Variants in PTPRD observed in about 807,000 individuals in gnomAD.
PTPRD encodes the protein receptor-type tyrosine-protein phosphatase delta.
A neutral mutation model predicts 214.5 loss-of-function variants in PTPRD; 34 were observed. That is an observed-to-expected ratio of 0.16 (90% CI 0.12 to 0.21). The LOEUF (loss-of-function observed/expected upper bound fraction) is 0.21. Ranked by LOEUF, PTPRD falls within the 10% of genes least tolerant of loss-of-function variation. The pLI is 1.00. For missense variants in PTPRD, 2,545 were observed against 2,398.7 expected, an observed-to-expected ratio of 1.06 and a Z score of -1.27; for synonymous variants, 1,128 against 845.7, an observed-to-expected ratio of 1.33 and a Z score of -5.79.
intron 3 of PTPRD, among the ~76,000 whole-genome samples, chr9:10,150,339 G>C (rs1341356335): frequency 6.6e-6 from 1 of 152,056 alleles, no homozygotes; most frequent in East Asian, 1.9e-4. Flanking sequence ...CCATAAAAAA[G>C]GATGAGTTCA....
intron 3 of PTPRD, among the ~76,000 whole-genome samples, chr9:10,291,692 C>G (rs548217006): frequency 6.6e-6 from 1 of 152,184 alleles, no homozygotes; most frequent in East Asian, 1.9e-4. Context: ...GAAAGCAGCC[C>G]TGAAGATACC....
chr9:9,773,239 T>C (rs563660738), intron 5 of PTPRD, among the ~76,000 whole-genome samples: 12 of 152,282 alleles, frequency 7.9e-5, no homozygotes, highest in Middle Eastern at 3.4e-3. Context: ...TAGTTTCTTT[T>C]TATAAATCAG....
intron 14 of PTPRD, among the ~76,000 whole-genome samples, chr9:8,599,613 C>CCCCCCCCCTTTTTTTTTT (rs2094698008): frequency 3.7e-5 from 2 of 53,428 alleles, no homozygotes; most frequent in African/African-American, 7.0e-5. Flanking sequence ...CCCGCCCACC[C>CCCCCCCCCTTTTTTTTTT]TTTTTTTTTT....
intron 11 of PTPRD, among the ~76,000 whole-genome samples, chr9:8,822,469 C>T (rs1445637615): frequency 2.6e-5 from 4 of 152,006 alleles, no homozygotes; most frequent in Admixed American, 2.0e-4. Context: ...GGAAATTCTC[C>T]CAGAGAGAGT....
chr9:8,511,416 C>T (rs1167896317), intron 21 of PTPRD, among the ~76,000 whole-genome samples: 1 of 151,584 alleles, frequency 6.6e-6, no homozygotes, highest in Non-Finnish European at 1.5e-5. Flanking sequence ...CTACACATCA[C>T]GGTTTCTCAC....
intron 5 of PTPRD, among the ~76,000 whole-genome samples, chr9:9,784,116 T>C (rs1010030196): frequency 6.6e-6 from 1 of 152,150 alleles, no homozygotes; most frequent in Non-Finnish European, 1.5e-5. Flanking sequence ...TCCTATAAGA[T>C]AAGCAAAGCC....
chr9:9,187,957 A>G (rs2099932679), intron 9 of PTPRD, among the ~76,000 whole-genome samples: 1 of 152,004 alleles, frequency 6.6e-6, no homozygotes, highest in Non-Finnish European at 1.5e-5. Flanking sequence ...CTTATAGAAA[A>G]GTACATAAAT....
chr9:10,100,112 G>A (rs2098537492), intron 3 of PTPRD, among the ~76,000 whole-genome samples: 1 of 151,578 alleles, frequency 6.6e-6, no homozygotes, highest in Non-Finnish European at 1.5e-5. Flanking sequence ...AGAAATGCTT[G>A]TCACCTAGTT....
chr9:10,070,438 G>A (rs1016003293), intron 3 of PTPRD, among the ~76,000 whole-genome samples: 24 of 151,938 alleles, frequency 1.6e-4, no homozygotes, highest in African/African-American at 5.6e-4. Context: ...TTGTAGCATT[G>A]AGAGTAATAT....
intron 8 of PTPRD, among the ~76,000 whole-genome samples, chr9:9,517,028 A>G (rs1426581082): frequency 6.6e-6 from 1 of 151,574 alleles, no homozygotes; most frequent in East Asian, 2.0e-4. Flanking sequence ...AATTAGTTGC[A>G]GTGAAATGAA....
intron 10 of PTPRD, among the ~76,000 whole-genome samples, chr9:9,129,544 C>G (rs12351020): frequency 0.05 from 7,589 of 152,236 alleles, 435 homozygotes; most frequent in African/African-American, 0.13. Flanking sequence ...TAGCTTCTGA[C>G]AGCTGATACA....
chr9:9,511,425 G>T (rs9886769), intron 8 of PTPRD, among the ~76,000 whole-genome samples: 109,093 of 151,498 alleles, frequency 0.72, 39,782 homozygotes, highest in South Asian at 0.84. Flanking sequence ...CTGTCAAATG[G>T]CAAAATCATT....
At chr9:8,562,775 G>C (rs1030154427) in intron 14 of PTPRD, among the ~76,000 whole-genome samples, 2 of 151,986 alleles carry the variant, frequency 1.3e-5, no homozygotes, top group African/African-American at 4.8e-5. Context: ...ATGCAATGTA[G>C]GTTATCATTA....
chr9:9,888,819 A>C (rs2072024873), intron 5 of PTPRD, among the ~76,000 whole-genome samples: 1 of 152,104 alleles, frequency 6.6e-6, no homozygotes, highest in Non-Finnish European at 1.5e-5. Flanking sequence ...GGGAAGACAA[A>C]GAGTATTGTA....
chr9:10,309,894 C>T (rs2096219313), intron 3 of PTPRD, among the ~76,000 whole-genome samples: 1 of 152,050 alleles, frequency 6.6e-6, no homozygotes, highest in Admixed American at 6.6e-5. Context: ...TTTGTGTTAG[C>T]ACCTTATCAC....
intron 4 of PTPRD, among the ~76,000 whole-genome samples, chr9:10,030,990 A>G (rs2097054910): frequency 1.3e-5 from 2 of 152,142 alleles, no homozygotes; most frequent in Admixed American, 1.3e-4. Flanking sequence ...GTGAATGACT[A>G]CTCAGAAAAA....
intron 9 of PTPRD, among the ~76,000 whole-genome samples, chr9:9,344,868 A>C (rs1038788421): frequency 6.6e-6 from 1 of 152,112 alleles, no homozygotes; most frequent in Non-Finnish European, 1.5e-5. Flanking sequence ...GGGGCCAATA[A>C]ATGTATATAA....
chr9:9,840,856 T>C (rs541762529), intron 5 of PTPRD, among the ~76,000 whole-genome samples: 2 of 151,482 alleles, frequency 1.3e-5, no homozygotes, highest in Non-Finnish European at 2.9e-5. Flanking sequence ...TTATTTATAT[T>C]TCTTCCAATT....
rs79947078 is a variant in PTPRD, at chr9:8,867,487, A to G, written c.-103-133541T>C. Among the ~76,000 whole-genome samples, 1,518 of 152,246 alleles carry G rather than the reference A, an allele frequency of 1.0e-2. 28 individuals are homozygous for G. The highest frequency in any genetic ancestry group is 0.035 in the African/African-American group (1,437 of 41,548). On this transcript the variant is annotated intron_variant, in intron 11 of 45. Transcript: ENST00000381196. ...AGGTGAGTCCCAGGCTCTAAGAAAT[A>G]TCCTACCTTAAATCAAGCGGAGGTA...
Sources: allele counts gnomAD v4.1 joint callset (sites outside exome capture counted in the v4.1 genomes callset), GRCh38; gene constraint gnomAD v4.1.1; transcripts MANE v1.5; gene names NCBI Gene and HGNC (gene_info 2026-07-23, HGNC 2026-07-21).